The following GNG2 variants were observed in gnomAD, a reference collection of about 807,000 sequenced individuals.
GNG2 encodes G protein subunit gamma 2, also known as guanine nucleotide-binding protein G(I)/G(S)/G(O) subunit gamma-2.
Under a neutral mutation model 5.5 loss-of-function variants are expected in GNG2, and 5 were observed. The ratio of observed to expected loss-of-function variants is 0.91; its 90% CI spans 0.48 to 1.92. GNG2 has a LOEUF of 1.92. Ranked by LOEUF, GNG2 falls within the 30% of genes most tolerant of loss-of-function variation. The probability of loss-of-function intolerance (pLI) is 0.01; values close to 1 mark genes in which losing one functional copy is unlikely to be tolerated. For synonymous variants in GNG2, 28 were observed against 32.0 expected (o/e 0.88, Z 0.42); for missense variants, 55 against 88.4 (o/e 0.62, Z 1.52).
At chr14:51,864,531 G>A (rs1284998710) in intron 1 of GNG2, among the ~76,000 whole-genome samples, 1 of 152,160 alleles carries the variant, frequency 6.6e-6, no homozygotes, top group Admixed American at 6.5e-5. Context: ...CCTCTCAAAA[G>A]TAACATTTGA....
intron 2 of GNG2, among the ~76,000 whole-genome samples, chr14:51,901,398 G>T (rs1885545456): frequency 6.6e-6 from 1 of 151,428 alleles, no homozygotes; most frequent in Non-Finnish European, 1.5e-5. Flanking sequence ...TCACTTTGTT[G>T]CCCAGACTGA....
chr14:51,928,178 C>A (rs1887445145), intron 2 of GNG2, among the ~76,000 whole-genome samples: 2 of 151,986 alleles, frequency 1.3e-5, no homozygotes, highest in Admixed American at 1.3e-4. Flanking sequence ...TACAGGCGTG[C>A]AACACCACGC....
intron 1 of GNG2, among the ~76,000 whole-genome samples, chr14:51,869,029 C>T (rs1046040773): frequency 2.0e-5 from 3 of 152,180 alleles, no homozygotes; most frequent in Non-Finnish European, 4.4e-5. Flanking sequence ...TGCCCTTATT[C>T]CTGTTTTGGG....
chr14:51,918,822 A>ATTTTG (rs1886817693), intron 2 of GNG2, among the ~76,000 whole-genome samples: 1 of 151,970 alleles, frequency 6.6e-6, no homozygotes, highest in Non-Finnish European at 1.5e-5. Flanking sequence ...AATTTAGAAA[A>ATTTTG]TTTTGTTTTG....
chr14:51,928,741 T>C (rs1300471869), intron 2 of GNG2, among the ~76,000 whole-genome samples: 1 of 152,196 alleles, frequency 6.6e-6, no homozygotes, highest in Non-Finnish European at 1.5e-5. Context: ...TGGCTCCGGG[T>C]ACATACGGCT....
intron 2 of GNG2, among the ~76,000 whole-genome samples, chr14:51,842,011 T>G (rs1881497655): frequency 6.6e-6 from 1 of 152,244 alleles, no homozygotes. Context: ...AGTTTCTAAG[T>G]CACTGTATGT....
Position 51,849,473 on chromosome 14 carries a change from G to A in GNG2, c.64+21666G>A, listed in dbSNP as rs75116751. On this transcript the variant is annotated intron_variant, in intron 2 of 3. Transcript: ENST00000553432. ...AAATAATTGAGGGCCATCTTGGAGA[G>A]CAAAGCAAAGTGGAGAATGAATTGA... is the stretch of plus-strand genomic sequence containing the variant. 2.0e-3 allele frequency among the ~76,000 whole-genome samples: 298 copies of A among 152,316 alleles called. 3 individuals carry two copies. The highest frequency in any genetic ancestry group is 0.013 in the Admixed American group (206 of 15,300).
intron 2 of GNG2, among the ~76,000 whole-genome samples, chr14:51,891,106 C>T (rs1327720012): frequency 6.6e-6 from 1 of 152,160 alleles, no homozygotes; most frequent in African/African-American, 2.4e-5. Flanking sequence ...CCTCTCATAC[C>T]ATCTCCAGGC....
Position 51,938,939 on chromosome 14 carries a change from A to G in GNG2, c.-29-11711A>G, listed in dbSNP as rs139402258. Among the ~76,000 whole-genome samples the G allele has an allele frequency of 9.6e-3, 1,456 of 152,346 alleles. 15 individuals carry two copies. Among genetic ancestry groups the G allele is most frequent in the Middle Eastern group, 0.024 (7 of 294 alleles). On this transcript the variant is annotated intron_variant, in intron 2 of 3. Coordinates refer to ENST00000556766, the MANE Select transcript of GNG2 (RefSeq NM_053064.5). ...GTTTTAATAAAGAAATTAATTAACC[A>G]ATAGATAATTTCCTGCAAGGAGGCA...
chr14:51,827,734 G>C, exon 2 of GNG2: 1 of 702,150 alleles, frequency 1.4e-6, no homozygotes, highest in Non-Finnish European at 2.6e-6. Flanking sequence ...TGTGCCTCTG[G>C]TCTAGGGGCA....
chr14:51,827,565 G>T, intron 1 of GNG2: 1 of 626,396 alleles, frequency 1.6e-6, no homozygotes, highest in Non-Finnish European at 2.9e-6. Flanking sequence ...ATGTCATACA[G>T]TTCCAGACTA....
At chr14:51,948,639 A>G (rs1274669343) in intron 2 of GNG2, among the ~76,000 whole-genome samples, 1 of 152,204 alleles carries the variant, frequency 6.6e-6, no homozygotes, top group Non-Finnish European at 1.5e-5. Flanking sequence ...TGAGGCTGCG[A>G]TGATTGGGTC....
At chr14:51,867,594 C>T (rs79923909) in intron 1 of GNG2, among the ~76,000 whole-genome samples, 13 of 152,258 alleles carry the variant, frequency 8.5e-5, no homozygotes, top group African/African-American at 2.9e-4. Flanking sequence ...TGTTTATAGC[C>T]GGTGTCTTAG....
At chr14:51,929,519 C>T (rs1887531594) in intron 2 of GNG2, among the ~76,000 whole-genome samples, 1 of 152,086 alleles carries the variant, frequency 6.6e-6, no homozygotes. Flanking sequence ...AAGCAAGGCC[C>T]AAGGTAAAGA....
chr14:51,900,340 A>G (rs1885467709), intron 2 of GNG2, among the ~76,000 whole-genome samples: 1 of 152,098 alleles, frequency 6.6e-6, no homozygotes, highest in Admixed American at 6.6e-5. Flanking sequence ...GCACATGTAA[A>G]AGATTTGATT....
chr14:51,885,827 GT>G (rs1313633262), intron 2 of GNG2, among the ~76,000 whole-genome samples: 3 of 152,162 alleles, frequency 2.0e-5, no homozygotes, highest in African/African-American at 7.2e-5. Flanking sequence ...GGAAGTATTT[GT>G]TTTGGGCTCA....
At chr14:51,943,396 A>T (rs1888460488) in intron 2 of GNG2, among the ~76,000 whole-genome samples, 1 of 152,196 alleles carries the variant, frequency 6.6e-6, no homozygotes, top group South Asian at 2.1e-4. Flanking sequence ...CTTCCGCACA[A>T]TTTGGGTTAC....
upstream of GNG2, among the ~76,000 whole-genome samples, chr14:51,858,773 A>G (rs748297415): frequency 2.0e-5 from 3 of 152,186 alleles, no homozygotes; most frequent in African/African-American, 4.8e-5. Flanking sequence ...TGGTGGATTC[A>G]TGCCCAATCC....
intron 3 of GNG2, among the ~76,000 whole-genome samples, chr14:51,964,593 A>C (rs1332488753): frequency 6.6e-6 from 1 of 152,238 alleles, no homozygotes; most frequent in African/African-American, 2.4e-5. Flanking sequence ...GCCTCTGTCC[A>C]GAATGTTGCT....
Sources: allele counts gnomAD v4.1 joint callset (sites outside exome capture counted in the v4.1 genomes callset), GRCh38; gene constraint gnomAD v4.1.1; transcripts MANE v1.5; gene names NCBI Gene and HGNC (gene_info 2026-07-23, HGNC 2026-07-21).